PCDH9: variants seen among roughly 807,000 people sequenced by gnomAD.
The protein encoded by PCDH9 is protocadherin 9, also known as protocadherin-9.
A neutral mutation model predicts 70.6 loss-of-function variants in PCDH9; 24 were observed. The observed-to-expected ratio is 0.34, with a 90% confidence interval of 0.25 to 0.48. The LOEUF (loss-of-function observed/expected upper bound fraction) is 0.48, where lower values mean the gene tolerates loss of function less well. Ranked by LOEUF, PCDH9 falls within the 20% of genes least tolerant of loss-of-function variation. PCDH9 has a pLI of 0.99. For synonymous variants in PCDH9, 562 were observed against 558.5 expected, an observed-to-expected ratio of 1.01 and a Z score of -0.09; for missense variants, 1,281 against 1,503.6, an observed-to-expected ratio of 0.85 and a Z score of 2.45.
At chr13:66,420,354 C>G (rs1290462020) in intron 4 of PCDH9, among the ~76,000 whole-genome samples, 2 of 152,190 alleles carry the variant, frequency 1.3e-5, no homozygotes, top group Non-Finnish European at 2.9e-5. Context: ...AAGTGGGTCG[C>G]TGACCCCTGT....
At chr13:67,079,535 T>C (rs1005942075) in intron 2 of PCDH9, among the ~76,000 whole-genome samples, 5 of 152,212 alleles carry the variant, frequency 3.3e-5, no homozygotes, top group Non-Finnish European at 5.9e-5. Context: ...ACATGGCATA[T>C]AGCAGATGCT....
intron 4 of PCDH9, among the ~76,000 whole-genome samples, chr13:66,451,353 A>G (rs1179712164): frequency 6.6e-6 from 1 of 152,192 alleles, no homozygotes; most frequent in Non-Finnish European, 1.5e-5. Context: ...AATTTACCTA[A>G]TATGATTATT....
At chr13:67,135,807 C>A (rs1324732470) in intron 2 of PCDH9, among the ~76,000 whole-genome samples, 1 of 152,078 alleles carries the variant, frequency 6.6e-6, no homozygotes, top group Non-Finnish European at 1.5e-5. Flanking sequence ...GTTTTTCTTT[C>A]AGATTTTTTC....
At chr13:66,994,357 C>T (rs915160476) in intron 2 of PCDH9, among the ~76,000 whole-genome samples, 5 of 152,170 alleles carry the variant, frequency 3.3e-5, no homozygotes, top group Non-Finnish European at 7.3e-5. Flanking sequence ...CAGTAGCTCC[C>T]CTCACCCCGC....
At chr13:66,438,206 C>A (rs2138394026) in intron 4 of PCDH9, among the ~76,000 whole-genome samples, 1 of 151,560 alleles carries the variant, frequency 6.6e-6, no homozygotes, top group Admixed American at 6.6e-5. Flanking sequence ...TGCACTCCAG[C>A]CTGAGTGACA....
At chr13:66,331,554 A>T (rs1955941645) in intron 4 of PCDH9, among the ~76,000 whole-genome samples, 1 of 152,224 alleles carries the variant, frequency 6.6e-6, no homozygotes. Flanking sequence ...TTTAAGTAAT[A>T]TAAAATGGCC....
chr13:66,745,513 AT>A (rs2079347912), intron 3 of PCDH9, among the ~76,000 whole-genome samples: 1 of 152,044 alleles, frequency 6.6e-6, no homozygotes, highest in Non-Finnish European at 1.5e-5. Flanking sequence ...AATGCTAATG[AT>A]TTTTTCATGT....
intron 2 of PCDH9, among the ~76,000 whole-genome samples, chr13:67,133,363 A>G (rs887604034): frequency 1.3e-5 from 2 of 152,116 alleles, no homozygotes; most frequent in Non-Finnish European, 2.9e-5. Context: ...CTGAGGCCCC[A>G]TAATAAAATA....
At chr13:66,541,569 C>A (rs1960957502) in intron 4 of PCDH9, among the ~76,000 whole-genome samples, 1 of 152,122 alleles carries the variant, frequency 6.6e-6, no homozygotes, top group Non-Finnish European at 1.5e-5. Flanking sequence ...CCTCTGTTTT[C>A]ATATGTCCAT....
intron 3 of PCDH9, among the ~76,000 whole-genome samples, chr13:66,832,788 G>A (rs926855612): frequency 3.9e-5 from 6 of 152,114 alleles, no homozygotes; most frequent in African/African-American, 1.4e-4. Flanking sequence ...TAAATCAGAT[G>A]ATTAACAAAT....
chr13:67,012,958 G>C (rs1169729946), intron 2 of PCDH9, among the ~76,000 whole-genome samples: 7 of 151,836 alleles, frequency 4.6e-5, no homozygotes, highest in African/African-American at 1.7e-4. Flanking sequence ...CCAATTACTA[G>C]GTGAAGTCAC....
intron 2 of PCDH9, among the ~76,000 whole-genome samples, chr13:67,027,098 C>T (rs1189890417): frequency 1.3e-5 from 2 of 151,992 alleles, no homozygotes; most frequent in Non-Finnish European, 2.9e-5. Flanking sequence ...AAAGAGCCCG[C>T]ATTGCCAAGT....
intron 4 of PCDH9, among the ~76,000 whole-genome samples, chr13:66,364,591 T>C (rs989806744): frequency 2.0e-5 from 3 of 152,304 alleles, no homozygotes; most frequent in African/African-American, 7.2e-5. Context: ...GATATCTCCT[T>C]TCTACCCACT....
intron 4 of PCDH9, among the ~76,000 whole-genome samples, chr13:66,524,046 T>G (rs1156595810): frequency 2.0e-5 from 3 of 151,998 alleles, no homozygotes; most frequent in Non-Finnish European, 4.4e-5. Flanking sequence ...AGCCCTCAGA[T>G]GGAGAAGTGA....
chr13:66,395,407 C>T (rs1013108828), intron 4 of PCDH9, among the ~76,000 whole-genome samples: 2 of 152,018 alleles, frequency 1.3e-5, no homozygotes, highest in Non-Finnish European at 2.9e-5. Context: ...TCGAGACCAG[C>T]CTGGCCAAGA....
chr13:67,143,975 C>A (rs1186935687), intron 2 of PCDH9, among the ~76,000 whole-genome samples: 4 of 152,166 alleles, frequency 2.6e-5, no homozygotes, highest in Admixed American at 6.5e-5. Context: ...CCAGGAAGCA[C>A]ACTTTCCATC....
chr13:67,060,438 GT>G (rs1566396961), intron 2 of PCDH9, among the ~76,000 whole-genome samples: 1 of 151,936 alleles, frequency 6.6e-6, no homozygotes, highest in Admixed American at 6.6e-5. Flanking sequence ...TCCTGTTTTT[GT>G]TTTTTAATCT....
At chr13:67,169,696 G>C (rs910060153) in intron 2 of PCDH9, among the ~76,000 whole-genome samples, 1 of 152,182 alleles carries the variant, frequency 6.6e-6, no homozygotes, top group African/African-American at 2.4e-5. Context: ...ATTCAACAAA[G>C]TGTATCTGTA....
intron 3 of PCDH9, among the ~76,000 whole-genome samples, chr13:66,802,674 C>T (rs756380330): frequency 1.1e-4 from 17 of 151,868 alleles, no homozygotes; most frequent in Non-Finnish European, 2.2e-4. Context: ...AAATTATAGT[C>T]AAGTAATTAA....
Sources: allele counts gnomAD v4.1 joint callset (sites outside exome capture counted in the v4.1 genomes callset), GRCh38; gene constraint gnomAD v4.1.1; transcripts MANE v1.5; gene names NCBI Gene and HGNC (gene_info 2026-07-23, HGNC 2026-07-21).